PCDHA5: variants seen among roughly 807,000 people sequenced by gnomAD.
The protein encoded by PCDHA5 is protocadherin alpha-5.
PCDHA5 carries 43 observed loss-of-function variants against 61.6 expected under a neutral mutation model. The ratio of observed to expected loss-of-function variants is 0.70; its 90% confidence interval spans 0.55 to 0.90. The LOEUF (loss-of-function observed/expected upper bound fraction) is 0.90. Ranked by LOEUF, PCDHA5 falls within the 40% of genes least tolerant of loss-of-function variation. The pLI is 0.00. For synonymous variants in PCDHA5, 627 were observed against 543.9 expected, an observed-to-expected ratio of 1.15 and a Z score of -2.13; for missense variants, 1,298 against 1,222.7, an observed-to-expected ratio of 1.06 and a Z score of -0.92.
intron 1 of PCDHA5, chr5:140,875,605 G>T (rs782421314): frequency 3.5e-5 from 57 of 1,613,756 alleles, no homozygotes; most frequent in Admixed American, 1.3e-4. Context: ...CGGCACCTTC[G>T]TGGGCCGCAT....
At chr5:140,871,299 G>C (rs782459625) in intron 1 of PCDHA5, 1 of 1,613,916 alleles carries the variant, frequency 6.2e-7, no homozygotes, top group Non-Finnish European at 8.5e-7. Context: ...GCGCGTGCGC[G>C]CCGGGGAAGC....
chr5:140,875,832 C>T, intron 1 of PCDHA5: 1 of 1,614,086 alleles, frequency 6.2e-7, no homozygotes, highest in Middle Eastern at 1.6e-4. Flanking sequence ...TCCATGTGGA[C>T]GTGGAGGTGA....
Position 140,845,229 on chromosome 5 carries a change from T to A in PCDHA5, c.2352+21102T>A, listed in dbSNP as rs189699970. Among the ~76,000 whole-genome samples, 147 of 149,698 alleles carry A rather than the reference T, an allele frequency of 9.8e-4. 9 individuals are homozygous for A. The highest frequency in any genetic ancestry group is 3.4e-3 in the African/African-American group (141 of 40,992). ...TAAGTCCTTTTAAAAAATATGATTA[T>A]CTTTATTATCCTGTTTGAATAATAT... On this transcript the variant is annotated intron_variant, in intron 1 of 3. Coordinates refer to ENST00000529859, the MANE Select transcript of PCDHA5 (RefSeq NM_018908.3).
rs1305231081 is a variant in PCDHA5 at position 141,010,857 on chromosome 5, G to A, written c.*920G>A. The A allele has an allele frequency of 6.5e-6, 1 of 153,732 alleles. No homozygotes were observed. The highest frequency in any genetic ancestry group is 2.4e-5 in the African/African-American group (1 of 41,448). 9.5% of individuals were successfully genotyped at this position (153,732 alleles called of 1,614,324 possible). ...ATAGATTTATTTAAAAAAAGAGAAAGTCTATAGCTATAAATCTTTAAAGAG... is the reference window on the plus strand; with the variant it reads ...ATAGATTTATTTAAAAAAAGAGAAAATCTATAGCTATAAATCTTTAAAGAG... On this transcript the variant is annotated 3_prime_UTR_variant, in exon 4 of 4. Transcript: ENST00000529859.
At chr5:140,967,695 T>C (rs782761674) in intron 1 of PCDHA5, 5 of 1,614,184 alleles carry the variant, frequency 3.1e-6, no homozygotes, top group Admixed American at 1.7e-5. Flanking sequence ...CTCTTCAGCA[T>C]AGATGCCAGT....
Position 141,009,840 on chromosome 5 carries a change from A to T in PCDHA5, c.2714A>T (p.Lys905Met), listed in dbSNP as rs782270689. 1 of 1,614,186 alleles carries T rather than the reference A, an allele frequency of 6.2e-7. No individual in the cohort carries two copies. The highest frequency in any genetic ancestry group is 1.7e-5 in the Admixed American group (1 of 60,024). The change falls in exon 4 of 4, where the codon AAG (lysine) becomes ATG (methionine). Residue 905 changes from lysine (K) to methionine (M), a missense_variant. Lys to Met is a moderately conservative substitution (Grantham distance 95). Coordinates refer to ENST00000529859, the MANE Select transcript of PCDHA5 (RefSeq NM_018908.3). ...AGTGACTTCATAACCTTCGGCAAAA[A>T]GGAGGAGACCAAGAAAAAGAAGAAA... Reference protein sequence around the residue: ...DKSDFITFGKKEETKKKKKKK... With the variant: ...DKSDFITFGKMEETKKKKKKK...
rs146495947 is a variant in PCDHA5, at chr5:140,843,027, G to C, written c.2352+18900G>C. 1.7e-3 allele frequency: 2,668 copies of C among 1,595,168 alleles called. 274 individuals carry two copies. Among genetic ancestry groups the C allele is most frequent in the Non-Finnish European group, 2.1e-3 (2,455 of 1,165,422 alleles). ...AACGCGCCGGCACTGCTGGAGCCTC[G>C]GGTGGGTGGCACTGGTGGCGCAGCG... is the stretch of plus-strand genomic sequence containing the variant. On this transcript the variant is annotated intron_variant, in intron 1 of 3. Transcript: ENST00000529859.
At chr5:140,830,011 G>A (rs554678736) in intron 1 of PCDHA5, 2 of 1,613,794 alleles carry the variant, frequency 1.2e-6, no homozygotes, top group African/African-American at 1.3e-5. Flanking sequence ...TGGACGAAGC[G>A]GACTCTCCGC....
intron 1 of PCDHA5, chr5:140,847,818 C>T (rs1781197996): frequency 1.3e-5 from 2 of 149,818 alleles, no homozygotes; most frequent in African/African-American, 2.4e-5. Flanking sequence ...CATAGAATTA[C>T]TCAAGAAAAC....
intron 1 of PCDHA5, chr5:140,856,675 G>T (rs782417357): frequency 6.3e-7 from 1 of 1,597,790 alleles, no homozygotes; most frequent in South Asian, 1.1e-5. Context: ...AGCTAAAGTT[G>T]TTGTTGACAG....
chr5:140,968,652 ACCTGGACCT>A lies in PCDHA5; in HGVS notation c.2353-10295_2353-10287del, dbSNP rs1332508740. The A allele has an allele frequency of 1.9e-6, 3 of 1,614,000 alleles. No homozygotes were observed. In the African/African-American group the frequency reaches 4.0e-5, roughly 22 times the overall value. On this transcript the variant is annotated intron_variant, in intron 1 of 3. Transcript: ENST00000529859. ...TTTTACCATCTAGCCCAGACTTCTGACCTGGACCTCTTTAAGGTAGAGCTGCACACAGGA... is the reference window on the plus strand; with the variant it reads ...TTTTACCATCTAGCCCAGACTTCTGACTTTAAGGTAGAGCTGCACACAGGA...
intron 1 of PCDHA5, chr5:140,830,654 A>G (rs1554132964): frequency 4.6e-6 from 2 of 436,460 alleles, no homozygotes; most frequent in East Asian, 4.6e-5. Context: ...TTTAATATTC[A>G]TAATTTAAGT....
intron 1 of PCDHA5, among the ~76,000 whole-genome samples, chr5:140,902,795 A>G (rs555172255): frequency 6.8e-4 from 103 of 151,862 alleles, no homozygotes; most frequent in African/African-American, 2.3e-3. Context: ...TCTCACTTGT[A>G]TGTGAGAATA....
At chr5:140,975,130 G>C (rs1445050521) in intron 1 of PCDHA5, among the ~76,000 whole-genome samples, 1 of 152,082 alleles carries the variant, frequency 6.6e-6, no homozygotes, top group Non-Finnish European at 1.5e-5. Flanking sequence ...CTTACTATTG[G>C]CCTGGGGTCA....
At position 140,875,345 on chromosome 5, in the gene PCDHA5, A is replaced by T. The variant is rs183266244; in HGVS notation, c.2352+51218A>T. 3,872 of 1,443,290 alleles carry T rather than the reference A, an allele frequency of 2.7e-3. 16 individuals are homozygous for T. The highest frequency in any genetic ancestry group is 0.011 in the African/African-American group (735 of 69,882). 89.4% of individuals were successfully genotyped at this position (1,443,290 alleles called of 1,614,324 possible). On this transcript the variant is annotated intron_variant, in intron 1 of 3. Coordinates refer to ENST00000529859, the MANE Select transcript of PCDHA5 (RefSeq NM_018908.3). ...TTCACGGAATAGGATCGACTCCATA[A>T]TGACTGTGATGCTGGAAAAAATTTA...
chr5:140,984,682 A>G (rs2097114582), intron 3 of PCDHA5, among the ~76,000 whole-genome samples: 2 of 152,136 alleles, frequency 1.3e-5, no homozygotes, highest in Non-Finnish European at 2.9e-5. Context: ...AGGACTCAAT[A>G]TATGTTCTGC....
intron 1 of PCDHA5, chr5:140,877,684 A>G (rs1247391418): frequency 1.9e-6 from 3 of 1,613,650 alleles, no homozygotes; most frequent in Non-Finnish European, 2.5e-6. Flanking sequence ...GGGCAAGCCC[A>G]CGCTGGTGTG....
At chr5:140,937,332 C>A (rs1003482242) in intron 1 of PCDHA5, among the ~76,000 whole-genome samples, 1 of 152,094 alleles carries the variant, frequency 6.6e-6, no homozygotes, top group Non-Finnish European at 1.5e-5. Flanking sequence ...CCACCGCGCC[C>A]GGCTTCTTCC....
intron 1 of PCDHA5, among the ~76,000 whole-genome samples, chr5:140,936,322 A>C (rs1225268806): frequency 2.6e-5 from 4 of 152,196 alleles, no homozygotes; most frequent in Admixed American, 6.5e-5. Context: ...CTGACATGCT[A>C]TAAATTTTCT....
Sources: gnomAD v4.1 joint callset for allele counts (sites outside exome capture counted in the v4.1 genomes callset) on GRCh38, gnomAD v4.1.1 for gene constraint, MANE v1.5 for transcripts, NCBI Gene and HGNC (gene_info 2026-07-23, HGNC 2026-07-21) for gene names.